The following SPAG16 variants were observed in gnomAD, a reference collection of about 807,000 sequenced individuals.
SPAG16 encodes sperm-associated antigen 16 protein.
Under a neutral mutation model 80.4 loss-of-function variants are expected in SPAG16, and 86 were observed. The observed-to-expected ratio is 1.07, with a 90% confidence interval of 0.90 to 1.28. The LOEUF (loss-of-function observed/expected upper bound fraction) is 1.28, where lower values mean the gene tolerates loss of function less well. Among genes scored for constraint, SPAG16 ranks in the 50% most tolerant of loss-of-function variants. The probability of loss-of-function intolerance (pLI) is 0.00; values close to 1 mark genes in which losing one functional copy is unlikely to be tolerated. For synonymous variants in SPAG16, 294 were observed against 265.9 expected (o/e 1.11, Z -1.03); for missense variants, 870 against 765.3 (o/e 1.14, Z -1.61).
At chr2:214,291,961 T>G (rs1205569581) in intron 15 of SPAG16, among the ~76,000 whole-genome samples, 1 of 152,238 alleles carries the variant, frequency 6.6e-6, no homozygotes, top group East Asian at 1.9e-4. Flanking sequence ...CATCAGTGTT[T>G]GCTTGTCTGG....
At chr2:213,466,301 C>T (rs1422186973) in intron 9 of SPAG16, among the ~76,000 whole-genome samples, 1 of 152,198 alleles carries the variant, frequency 6.6e-6, no homozygotes, top group African/African-American at 2.4e-5. Flanking sequence ...AATACACCTT[C>T]CTCACTGATA....
chr2:214,272,467 C>T (rs1692106825), intron 15 of SPAG16, among the ~76,000 whole-genome samples: 1 of 152,056 alleles, frequency 6.6e-6, no homozygotes. Flanking sequence ...CACAACAGGC[C>T]CCAGTGTGTG....
chr2:214,268,976 G>T (rs1334725510), intron 15 of SPAG16, among the ~76,000 whole-genome samples: 1 of 151,910 alleles, frequency 6.6e-6, no homozygotes, highest in East Asian at 1.9e-4. Flanking sequence ...ATAACAATTT[G>T]CCAGACTTTC....
intron 10 of SPAG16, among the ~76,000 whole-genome samples, 196 bp from the exon 11 acceptor site, chr2:213,862,289 T>G (rs2075502335): frequency 1.3e-5 from 2 of 152,198 alleles, no homozygotes; most frequent in African/African-American, 4.8e-5. Context: ...CTGACTAGAT[T>G]GATGGAGATC....
At chr2:213,968,117 C>G (rs772711890) in intron 12 of SPAG16, among the ~76,000 whole-genome samples, 8 of 151,056 alleles carry the variant, frequency 5.3e-5, no homozygotes, top group Non-Finnish European at 1.2e-4. Context: ...CTTTTCCTCC[C>G]TCCCTCTCTC....
intron 15 of SPAG16, among the ~76,000 whole-genome samples, chr2:214,209,527 T>G (rs2058233013): frequency 6.6e-6 from 1 of 152,226 alleles, no homozygotes; most frequent in South Asian, 2.1e-4. Flanking sequence ...TCTGCTCTTC[T>G]TTCTTGCTCT....
chr2:214,026,276 TG>T (rs758529021), intron 13 of SPAG16, among the ~76,000 whole-genome samples: 21 of 151,446 alleles, frequency 1.4e-4, no homozygotes, highest in Non-Finnish European at 1.9e-4. Flanking sequence ...ACAGAAACCA[TG>T]TGTATATTTT....
At chr2:214,334,573 A>G (rs1697148543) in intron 15 of SPAG16, among the ~76,000 whole-genome samples, 1 of 152,136 alleles carries the variant, frequency 6.6e-6, no homozygotes, top group African/African-American at 2.4e-5. Context: ...GTGGAGTTGA[A>G]AATATCATAG....
chr2:214,242,458 C>G (rs1689562086), intron 15 of SPAG16, among the ~76,000 whole-genome samples: 1 of 152,168 alleles, frequency 6.6e-6, no homozygotes. Flanking sequence ...AGGTTGTTTT[C>G]TTTTCTCCTT....
chr2:213,452,736 G>C (rs1335275295), intron 9 of SPAG16, among the ~76,000 whole-genome samples: 1 of 152,200 alleles, frequency 6.6e-6, no homozygotes, highest in African/African-American at 2.4e-5. Context: ...AAACCCCCTT[G>C]TCTCTTTTTT....
intron 15 of SPAG16, among the ~76,000 whole-genome samples, chr2:214,400,182 A>C (rs1460310402): frequency 6.6e-6 from 1 of 152,062 alleles, no homozygotes; most frequent in Non-Finnish European, 1.5e-5. Flanking sequence ...CACACAGGCC[A>C]AAAGTTCTGT....
At chr2:214,002,475 A>G (rs745520540) in intron 12 of SPAG16, among the ~76,000 whole-genome samples, 11 of 152,216 alleles carry the variant, frequency 7.2e-5, no homozygotes, top group Non-Finnish European at 1.3e-4. Context: ...TAAATTCTAG[A>G]TAAACACTGT....
chr2:214,408,564 TA>T (rs1490785723), intron 15 of SPAG16, among the ~76,000 whole-genome samples: 1 of 152,250 alleles, frequency 6.6e-6, no homozygotes, highest in Non-Finnish European at 1.5e-5. Flanking sequence ...TTTACTTTTA[TA>T]ACTTTTCTCT....
At chr2:213,469,570 G>GTT (rs34005287) in intron 9 of SPAG16, among the ~76,000 whole-genome samples, 7,294 of 79,272 alleles carry the variant, frequency 0.092, 1,352 homozygotes, top group Non-Finnish European at 0.13. Context: ...ACCTCAGCAG[G>GTT]TTTTTTTTTT....
At position 213,624,791 on chromosome 2, in the gene SPAG16, C is replaced by T. The variant is rs992795383; in HGVS notation, c.1070+134701C>T. Among the ~76,000 whole-genome samples, 3 of 152,050 alleles carry T rather than the reference C, an allele frequency of 2.0e-5. 1 individual carries two copies. The highest frequency in any genetic ancestry group is 4.1e-4 in the South Asian group (2 of 4,822). On this transcript the variant is annotated intron_variant, in intron 10 of 15. Coordinates refer to ENST00000331683, the MANE Select transcript of SPAG16 (RefSeq NM_024532.5). ...GACAAGATACTTAAGGCCTTTGTCT[C>T]AGGTTTTTGTTTTTTTTGAGATGGA...
chr2:213,857,509 T>C (rs919952087), intron 10 of SPAG16, among the ~76,000 whole-genome samples: 1 of 152,218 alleles, frequency 6.6e-6, no homozygotes, highest in Non-Finnish European at 1.5e-5. Flanking sequence ...GTTTACAACA[T>C]GGTTTAATGA....
intron 11 of SPAG16, among the ~76,000 whole-genome samples, chr2:213,926,575 A>G (rs1244722872): frequency 6.6e-6 from 1 of 151,998 alleles, no homozygotes; most frequent in Non-Finnish European, 1.5e-5. Context: ...TAACCCATCC[A>G]TTGATTTCTT....
chr2:214,155,626 C>A (rs927004319), intron 15 of SPAG16, among the ~76,000 whole-genome samples: 3 of 152,186 alleles, frequency 2.0e-5, no homozygotes, highest in African/African-American at 7.2e-5. Context: ...ACACGTGACA[C>A]CATGCCTGAG....
chr2:213,828,258 T>C (rs1032997817), intron 10 of SPAG16, among the ~76,000 whole-genome samples: 1 of 152,142 alleles, frequency 6.6e-6, no homozygotes, highest in Non-Finnish European at 1.5e-5. Context: ...ATAGCCTGTC[T>C]TTAGGCTCAC....
Sources: allele counts gnomAD v4.1 joint callset (sites outside exome capture counted in the v4.1 genomes callset), GRCh38; gene constraint gnomAD v4.1.1; transcripts MANE v1.5; gene names NCBI Gene and HGNC (gene_info 2026-07-23, HGNC 2026-07-21).